The following ZNF25 variants were observed in gnomAD, a reference collection of about 807,000 sequenced individuals.
ZNF25 encodes the protein zinc finger protein 25 (KOX 19).
A neutral mutation model predicts 30.9 loss-of-function variants in ZNF25; 21 were observed. The ratio of observed to expected loss-of-function variants is 0.68; its 90% CI spans 0.48 to 0.98. ZNF25 has a LOEUF of 0.98. Among genes scored for constraint, ZNF25 ranks in the 50% least tolerant of loss-of-function variants. The pLI, the probability that ZNF25 is intolerant of heterozygous loss-of-function variation, is 0.00. For synonymous variants in ZNF25, 169 were observed against 181.3 expected (o/e 0.93, Z 0.55); for missense variants, 501 against 529.9 (o/e 0.95, Z 0.54).
chr10:37,975,957 A>C (rs1407490947), intron 1 of ZNF25, among the ~76,000 whole-genome samples: 1 of 152,212 alleles, frequency 6.6e-6, no homozygotes, highest in Non-Finnish European at 1.5e-5. Flanking sequence ...CTCTCTCTGA[A>C]TCTTTAATAG....
chr10:37,965,320 C>A (rs1488525250), intron 2 of ZNF25, among the ~76,000 whole-genome samples: 1 of 152,106 alleles, frequency 6.6e-6, no homozygotes, highest in Non-Finnish European at 1.5e-5. Context: ...GGGAAGGGGA[C>A]CACTGCCCTC....
chr10:37,966,386 C>T (rs1476715169), intron 2 of ZNF25, among the ~76,000 whole-genome samples: 4 of 151,450 alleles, frequency 2.6e-5, no homozygotes, highest in African/African-American at 9.7e-5. Flanking sequence ...TGCACTCCAG[C>T]CTGGGTGACA....
intron 2 of ZNF25, among the ~76,000 whole-genome samples, chr10:37,969,866 A>T (rs911288805): frequency 6.6e-6 from 1 of 152,228 alleles, no homozygotes; most frequent in African/African-American, 2.4e-5. Flanking sequence ...TAAGCCAGAA[A>T]CAATACCAAT....
intron 2 of ZNF25, among the ~76,000 whole-genome samples, chr10:37,962,777 C>A (rs1300505733): frequency 6.6e-6 from 1 of 152,020 alleles, no homozygotes; most frequent in Non-Finnish European, 1.5e-5. Context: ...ATACTAAGAA[C>A]CAGTCTATAT....
chr10:37,963,995 A>C (rs1428645953), intron 2 of ZNF25, among the ~76,000 whole-genome samples: 4 of 151,968 alleles, frequency 2.6e-5, no homozygotes, highest in African/African-American at 9.7e-5. Context: ...TAAGCAAATA[A>C]ATAAAGAGTC....
chr10:37,974,038 C>T (rs1237777751), intron 1 of ZNF25, among the ~76,000 whole-genome samples: 1 of 152,092 alleles, frequency 6.6e-6, no homozygotes, highest in African/African-American at 2.4e-5. Context: ...ATGACAGTTT[C>T]TTCAATAAAT....
chr10:37,972,838 C>T (rs1322595859), intron 1 of ZNF25, among the ~76,000 whole-genome samples: 1 of 152,074 alleles, frequency 6.6e-6, no homozygotes, highest in Non-Finnish European at 1.5e-5. Context: ...GATACATGAA[C>T]TCAGTAAAGC....
chr10:37,973,545 G>C (rs192149821), intron 1 of ZNF25, among the ~76,000 whole-genome samples: 29 of 150,382 alleles, frequency 1.9e-4, no homozygotes, highest in African/African-American at 7.1e-4. Context: ...CTTGACCCTG[G>C]GAGACAGAGG....
chr10:37,976,164 G>A (rs368509731), intron 1 of ZNF25, among the ~76,000 whole-genome samples: 4 of 152,356 alleles, frequency 2.6e-5, no homozygotes, highest in African/African-American at 9.6e-5. Flanking sequence ...GAGCCGCACT[G>A]GGACCACCTA....
At chr10:37,964,332 G>C (rs1025746934) in intron 2 of ZNF25, among the ~76,000 whole-genome samples, 3 of 152,174 alleles carry the variant, frequency 2.0e-5, no homozygotes, top group African/African-American at 7.2e-5. Flanking sequence ...GAGGTTGGAA[G>C]AATTTGGAGG....
intron 4 of ZNF25, among the ~76,000 whole-genome samples, chr10:37,954,628 C>T (rs115518864): frequency 7.8e-4 from 119 of 152,276 alleles, no homozygotes; most frequent in African/African-American, 2.8e-3. Flanking sequence ...TATCTTGCTT[C>T]CTCCATCTCT....
At chr10:37,971,679 A>G (rs753921075) in intron 2 of ZNF25, 29 bp downstream of exon 2, 2 of 1,612,592 alleles carry the variant, frequency 1.2e-6, no homozygotes, top group South Asian at 2.2e-5. Flanking sequence ...ACACAGTGAA[A>G]CAAAGTTAGG....
chr10:37,970,208 G>T (rs900816599), intron 2 of ZNF25, among the ~76,000 whole-genome samples: 1 of 152,008 alleles, frequency 6.6e-6, no homozygotes, highest in Non-Finnish European at 1.5e-5. Flanking sequence ...ATTCCTCATG[G>T]TGATAGATGC....
chr10:37,951,947 T>C lies in ZNF25; in HGVS notation c.*180A>G. ...ATATTTAGAAAAGCCTAAAATATGA[T>C]AAAATTTTCTCCCAAATAAATGTAC... On this transcript the variant is annotated 3_prime_UTR_variant, in exon 6 of 6. Coordinates refer to ENST00000302609, the MANE Select transcript of ZNF25 (RefSeq NM_145011.4). 1 of 496,752 alleles carries C rather than the reference T, an allele frequency of 2.0e-6. No homozygotes were observed. The highest frequency in any genetic ancestry group is 3.4e-6 in the Non-Finnish European group (1 of 296,114). 30.8% of individuals were successfully genotyped at this position (496,752 alleles called of 1,614,324 possible). A position where few individuals can be genotyped will look rare whatever the true frequency, so the allele number is the denominator to read the frequency against.
At chr10:37,970,129 C>A (rs570568202) in intron 2 of ZNF25, among the ~76,000 whole-genome samples, 2 of 152,180 alleles carry the variant, frequency 1.3e-5, no homozygotes, top group South Asian at 4.1e-4. Context: ...ACAGTATAAA[C>A]CAGATTTCTA....
At chr10:37,971,630 A>AACACACACACACACACACACAC in intron 2 of ZNF25, 78 bp downstream of exon 2, 2 of 1,388,712 alleles carry the variant, frequency 1.4e-6, no homozygotes, top group South Asian at 1.3e-5. Context: ...AAACTCATTA[A>AACACACACACACACACACACAC]ACACACACAC....
chr10:37,951,982 CTA>C lies in ZNF25; in HGVS notation c.*143_*144del. The C allele has an allele frequency of 1.6e-6, 1 of 640,154 alleles. No homozygotes were observed. Among genetic ancestry groups the C allele is most frequent in the South Asian group, 3.0e-5 (1 of 33,362 alleles). 39.7% of individuals were successfully genotyped at this position (640,154 alleles called of 1,614,324 possible). On this transcript the variant is annotated 3_prime_UTR_variant, in exon 6 of 6. Coordinates refer to ENST00000302609, the MANE Select transcript of ZNF25 (RefSeq NM_145011.4). ...TCCCAAATAAATGTACAGAATCTCT[CTA>C]TGTATTTGCTGATACACAGAGAGAG...
intron 4 of ZNF25, among the ~76,000 whole-genome samples, chr10:37,955,832 C>T (rs576984626): frequency 6.6e-6 from 1 of 152,222 alleles, no homozygotes; most frequent in South Asian, 2.1e-4. Context: ...TACAGGTGTG[C>T]ACCACCAAGC....
chr10:37,970,377 T>C (rs1240578730), intron 2 of ZNF25, among the ~76,000 whole-genome samples: 1 of 152,008 alleles, frequency 6.6e-6, no homozygotes, highest in East Asian at 1.9e-4. Context: ...AAAAACAACA[T>C]GATTATCCCA....
Sources: gnomAD v4.1 joint callset for allele counts (sites outside exome capture counted in the v4.1 genomes callset) on GRCh38, gnomAD v4.1.1 for gene constraint, MANE v1.5 for transcripts, NCBI Gene and HGNC (gene_info 2026-07-23, HGNC 2026-07-21) for gene names.